The following NBEA variants were observed in gnomAD, a reference collection of about 807,000 sequenced individuals.
NBEA encodes lysosomal-trafficking regulator 2.
NBEA carries 44 observed loss-of-function variants against 343.4 expected under a neutral mutation model. That is an observed-to-expected ratio of 0.13 (90% CI 0.10 to 0.16). The LOEUF (loss-of-function observed/expected upper bound fraction) is 0.16, where lower values mean the gene tolerates loss of function less well. NBEA is among the 10% of genes least tolerant of loss of function. The pLI is 1.00. For missense variants in NBEA, 2,555 were observed against 3,631.3 expected, an observed-to-expected ratio of 0.70 and a Z score of 7.62; for synonymous variants, 1,175 against 1,238.7, an observed-to-expected ratio of 0.95 and a Z score of 1.08.
chr13:35,397,154 C>G (rs2152903979), intron 38 of NBEA, among the ~76,000 whole-genome samples: 1 of 152,270 alleles, frequency 6.6e-6, no homozygotes, highest in African/African-American at 2.4e-5. Flanking sequence ...TGAATTTGTC[C>G]CTGCCTACCT....
intron 47 of NBEA, among the ~76,000 whole-genome samples, chr13:35,597,423 A>G (rs972394535): frequency 6.6e-5 from 10 of 152,324 alleles, no homozygotes; most frequent in South Asian, 2.1e-4. Context: ...AAATTTATCA[A>G]TGGGAAGAGA....
At chr13:35,506,595 C>T (rs941763485) in intron 41 of NBEA, among the ~76,000 whole-genome samples, 3 of 152,096 alleles carry the variant, frequency 2.0e-5, no homozygotes, top group African/African-American at 7.2e-5. Context: ...TTCTGTCCGT[C>T]CCTCACTCAT....
rs543794560 is a variant in NBEA at position 35,507,935 on chromosome 13, G to A, written c.6585+35399G>A. Among the ~76,000 whole-genome samples, 78 of 152,156 alleles carry A rather than the reference G, an allele frequency of 5.1e-4. 1 individual carries two copies. Among genetic ancestry groups the A allele is most frequent in the Admixed American group, 1.7e-3 (26 of 15,268 alleles). ...TTGACTGGAGTCAACCAAAGTTCCA[G>A]TATTTCTTTTATATTAATTGCTGCT... On this transcript the variant is annotated intron_variant, in intron 41 of 58. Transcript: ENST00000379939.
chr13:35,291,892 A>G (rs1482368640), intron 35 of NBEA, among the ~76,000 whole-genome samples: 1 of 151,978 alleles, frequency 6.6e-6, no homozygotes, highest in Non-Finnish European at 1.5e-5. Flanking sequence ...ACTTTCTTTC[A>G]GTGTTTCAGC....
At chr13:35,006,539 C>G (rs1363727090) in intron 1 of NBEA, among the ~76,000 whole-genome samples, 4 of 147,038 alleles carry the variant, frequency 2.7e-5, no homozygotes, top group African/African-American at 4.9e-5. Flanking sequence ...ATGTGTTTTT[C>G]CTTTTTCTAG....
At chr13:35,314,914 G>T (rs1396048890) in intron 36 of NBEA, among the ~76,000 whole-genome samples, 11 of 151,972 alleles carry the variant, frequency 7.2e-5, no homozygotes, top group Non-Finnish European at 8.8e-5. Flanking sequence ...GGGACTTCTG[G>T]TTCAAAAAGT....
At chr13:35,036,762 C>T (rs991160112) in intron 1 of NBEA, among the ~76,000 whole-genome samples, 2 of 152,114 alleles carry the variant, frequency 1.3e-5, no homozygotes, top group African/African-American at 4.8e-5. Context: ...GAAAAGTCTG[C>T]TGCCAGATGT....
intron 31 of NBEA, among the ~76,000 whole-genome samples, chr13:35,199,114 G>A (rs551246383): frequency 1.6e-4 from 24 of 152,200 alleles, no homozygotes; most frequent in African/African-American, 5.8e-4. Flanking sequence ...TTCAAACTCT[G>A]AAGCTTTGAG....
intron 8 of NBEA, 24 bp downstream of exon 8, chr13:35,058,887 A>G: frequency 1.3e-6 from 2 of 1,549,766 alleles, no homozygotes; most frequent in Non-Finnish European, 1.7e-6. Context: ...TAATTTTATA[A>G]ATTCTATGGA....
At chr13:35,260,233 A>T (rs1175133218) in intron 34 of NBEA, among the ~76,000 whole-genome samples, 1 of 152,222 alleles carries the variant, frequency 6.6e-6, no homozygotes. Context: ...CCTACACAGG[A>T]TATTGACAGG....
chr13:35,342,867 G>A (rs2039664141), intron 36 of NBEA, among the ~76,000 whole-genome samples: 1 of 151,130 alleles, frequency 6.6e-6, no homozygotes, highest in Admixed American at 6.6e-5. Context: ...TTAAAAAACT[G>A]GGACCAATGG....
chr13:35,518,830 G>A (rs1156419808), intron 41 of NBEA, among the ~76,000 whole-genome samples: 2 of 152,146 alleles, frequency 1.3e-5, no homozygotes, highest in Non-Finnish European at 2.9e-5. Context: ...TTGGGGCGGT[G>A]TGGGGGGAAG....
chr13:35,579,252 T>C (rs2080892959), intron 45 of NBEA, among the ~76,000 whole-genome samples: 1 of 152,192 alleles, frequency 6.6e-6, no homozygotes, highest in Non-Finnish European at 1.5e-5. Context: ...CATTGACCAT[T>C]CATCAGATCA....
intron 1 of NBEA, among the ~76,000 whole-genome samples, chr13:34,972,751 C>T (rs966276052): frequency 6.6e-6 from 1 of 152,046 alleles, no homozygotes; most frequent in African/African-American, 2.4e-5. Flanking sequence ...ATTATGTGAT[C>T]GATTGTAGAG....
At chr13:35,251,440 C>A in intron 34 of NBEA, 1 of 1,057,790 alleles carries the variant, frequency 9.5e-7, no homozygotes, top group South Asian at 2.9e-5. Context: ...CACTTTGATG[C>A]TGGAGAACTT....
intron 41 of NBEA, among the ~76,000 whole-genome samples, chr13:35,543,959 C>T (rs570182947): frequency 1.3e-5 from 2 of 152,162 alleles, no homozygotes; most frequent in Non-Finnish European, 2.9e-5. Flanking sequence ...GGAATCTTCT[C>T]CATTCAGCTG....
At chr13:35,550,447 T>G in intron 41 of NBEA, 30 bp from the exon 42 acceptor site, 1 of 1,310,044 alleles carries the variant, frequency 7.6e-7, no homozygotes, top group Non-Finnish European at 1.1e-6. Flanking sequence ...TTTTATTGAT[T>G]GACACTTCCC....
chr13:35,669,972 T>G (rs1398279238), intron 58 of NBEA, among the ~76,000 whole-genome samples: 1 of 151,892 alleles, frequency 6.6e-6, no homozygotes, highest in African/African-American at 2.4e-5. Context: ...TGCAGTAGTA[T>G]TAGGGGGTCT....
chr13:35,436,940 T>C (rs961420470), intron 39 of NBEA, among the ~76,000 whole-genome samples: 3 of 152,184 alleles, frequency 2.0e-5, no homozygotes, highest in Non-Finnish European at 4.4e-5. Context: ...GAGAACAAGC[T>C]TAAATTACTT....
Sources: gnomAD v4.1 joint callset for allele counts (sites outside exome capture counted in the v4.1 genomes callset) on GRCh38, gnomAD v4.1.1 for gene constraint, MANE v1.5 for transcripts, NCBI Gene and HGNC (gene_info 2026-07-23, HGNC 2026-07-21) for gene names.